The following LRRC4C variants were observed in gnomAD, a reference collection of about 807,000 sequenced individuals.
LRRC4C encodes leucine rich repeat containing 4C, also known as leucine-rich repeat-containing protein 4C.
LRRC4C carries 5 observed loss-of-function variants against 33.6 expected under a neutral mutation model. The ratio of observed to expected loss-of-function variants is 0.15; its 90% CI spans 0.08 to 0.31. The LOEUF is 0.31. LRRC4C is among the 10% of genes least tolerant of loss of function. The pLI is 1.00. For missense variants in LRRC4C, 560 were observed against 796.7 expected (o/e 0.70, Z 3.58); for synonymous variants, 329 against 302.0 (o/e 1.09, Z -0.93).
intron 2 of LRRC4C, among the ~76,000 whole-genome samples, chr11:40,727,624 A>G (rs1001371418): frequency 6.6e-6 from 1 of 152,188 alleles, no homozygotes; most frequent in African/African-American, 2.4e-5. Context: ...GACAGCATAT[A>G]AAATGGGAGG....
At chr11:40,301,971 T>C (rs1206300095) in intron 4 of LRRC4C, among the ~76,000 whole-genome samples, 1 of 152,150 alleles carries the variant, frequency 6.6e-6, no homozygotes, top group African/African-American at 2.4e-5. Flanking sequence ...AAATAATGCC[T>C]TGAAAAATGA....
rs1555125586 is a variant in LRRC4C, at chr11:40,633,371, T to TTCTCTCTCTC, written c.-270+14770_-270+14771insGAGAGAGAGA. Among the ~76,000 whole-genome samples, 29 of 96,322 alleles carry TTCTCTCTCTC rather than the reference T, an allele frequency of 3.0e-4. 3 individuals are homozygous for TTCTCTCTCTC. Among genetic ancestry groups the TTCTCTCTCTC allele is most frequent in the African/African-American group, 7.3e-4 (21 of 28,886 alleles). The allele number at this position is 96,322 out of a possible 152,430, so 63.2% of individuals were successfully genotyped here. ...TTTCTTTCTTTCTTTCTTTCTTTCT[T>TTCTCTCTCTC]TCTCTCTCTTTCTTTCTTTCTTTCT... On this transcript the variant is annotated intron_variant, in intron 3 of 6. Coordinates refer to ENST00000528697, the MANE Select transcript of LRRC4C (RefSeq NM_001258419.2).
chr11:40,468,852 C>T (rs1008969415), intron 3 of LRRC4C, among the ~76,000 whole-genome samples: 1 of 152,058 alleles, frequency 6.6e-6, no homozygotes, highest in African/African-American at 2.4e-5. Context: ...GATAAAGACC[C>T]ATATTTTATT....
chr11:40,285,157 G>T (rs879708652), intron 4 of LRRC4C, among the ~76,000 whole-genome samples: 14 of 152,166 alleles, frequency 9.2e-5, no homozygotes, highest in Middle Eastern at 3.4e-3. Flanking sequence ...GCATACACAG[G>T]TTAGCCAGGA....
At chr11:41,413,470 A>G (rs1472865029) in intron 1 of LRRC4C, among the ~76,000 whole-genome samples, 1 of 152,182 alleles carries the variant, frequency 6.6e-6, no homozygotes, top group Non-Finnish European at 1.5e-5. Flanking sequence ...TAAAATTATC[A>G]TTATTGCAAA....
At chr11:41,279,428 A>ACACCCC (rs58139193) in intron 1 of LRRC4C, among the ~76,000 whole-genome samples, 1,568 of 140,872 alleles carry the variant, frequency 0.011, 24 homozygotes, top group East Asian at 0.022. Flanking sequence ...ACACACACAC[A>ACACCCC]CCGTGGCAAT....
At chr11:41,161,325 C>T (rs563058689) in intron 1 of LRRC4C, among the ~76,000 whole-genome samples, 42 of 152,232 alleles carry the variant, frequency 2.8e-4, no homozygotes, top group African/African-American at 9.9e-4. Flanking sequence ...CACAGAGTCC[C>T]TCCTGCTTAT....
At chr11:41,067,877 AC>A (rs1452308701) in intron 1 of LRRC4C, among the ~76,000 whole-genome samples, 2 of 150,254 alleles carry the variant, frequency 1.3e-5, no homozygotes, top group African/African-American at 2.5e-5. Context: ...GAGACAACGT[AC>A]TAGAATCTCT....
chr11:40,212,255 C>T (rs1207951198), intron 5 of LRRC4C, among the ~76,000 whole-genome samples: 1 of 152,036 alleles, frequency 6.6e-6, no homozygotes, highest in Non-Finnish European at 1.5e-5. Flanking sequence ...ACCACCTGTT[C>T]TAGGTAAGGA....
Position 40,998,639 on chromosome 11 carries a change from A to G in LRRC4C, c.-495-64916T>C, listed in dbSNP as rs1854148156. 3.3e-5 allele frequency among the ~76,000 whole-genome samples: 5 copies of G among 152,234 alleles called. No individual in the cohort carries two copies. The South Asian group carries it at 1.0e-3, about 32-fold the overall frequency. Reference sequence around the variant, plus strand: ...CCTAATTCAACTGCTCCATGAACATACCCAATCACAAACTAGACACGCATT... The same window carrying G: ...CCTAATTCAACTGCTCCATGAACATGCCCAATCACAAACTAGACACGCATT... On this transcript the variant is annotated intron_variant, in intron 1 of 6. Coordinates refer to ENST00000528697, the MANE Select transcript of LRRC4C (RefSeq NM_001258419.2).
intron 3 of LRRC4C, among the ~76,000 whole-genome samples, chr11:40,352,507 T>A (rs899463179): frequency 1.3e-5 from 2 of 152,048 alleles, no homozygotes; most frequent in Non-Finnish European, 2.9e-5. Context: ...ATGTGCACAA[T>A]GTGCAGGTTA....
chr11:41,434,491 C>A (rs1955355998), intron 1 of LRRC4C, among the ~76,000 whole-genome samples: 2 of 152,090 alleles, frequency 1.3e-5, no homozygotes, highest in Admixed American at 6.6e-5. Flanking sequence ...GCGAAATAAT[C>A]TTCACAGGTT....
chr11:40,193,250 A>G (rs1303906083), intron 5 of LRRC4C, among the ~76,000 whole-genome samples: 12 of 152,118 alleles, frequency 7.9e-5, no homozygotes, highest in Non-Finnish European at 1.3e-4. Context: ...AAGCTTCCAG[A>G]GGAGGAAGCA....
At chr11:41,141,763 T>C (rs567712217) in intron 1 of LRRC4C, among the ~76,000 whole-genome samples, 2 of 152,140 alleles carry the variant, frequency 1.3e-5, no homozygotes, top group East Asian at 3.9e-4. Context: ...CCTGAGGAAA[T>C]GTGAGTCAAT....
At chr11:40,423,945 C>T (rs969992961) in intron 3 of LRRC4C, among the ~76,000 whole-genome samples, 8 of 152,008 alleles carry the variant, frequency 5.3e-5, no homozygotes, top group African/African-American at 7.3e-5. Flanking sequence ...ATATGGTATG[C>T]GCCATATCCT....
chr11:40,746,746 AC>A (rs1402836275), intron 2 of LRRC4C, among the ~76,000 whole-genome samples: 3 of 151,736 alleles, frequency 2.0e-5, no homozygotes, highest in African/African-American at 7.3e-5. Context: ...TCCCCTGAGC[AC>A]TCCTCTTGGT....
intron 4 of LRRC4C, among the ~76,000 whole-genome samples, chr11:40,277,122 A>G (rs188089001): frequency 7.2e-5 from 11 of 152,292 alleles, no homozygotes; most frequent in Admixed American, 3.9e-4. Flanking sequence ...TATGCGGTAC[A>G]GCCTTATGCA....
At chr11:40,765,298 C>A (rs1325125613) in intron 2 of LRRC4C, among the ~76,000 whole-genome samples, 1 of 152,100 alleles carries the variant, frequency 6.6e-6, no homozygotes, top group Non-Finnish European at 1.5e-5. Context: ...AATACCTCTC[C>A]CCTCTCTCTT....
chr11:41,226,411 A>C (rs1350857739), intron 1 of LRRC4C, among the ~76,000 whole-genome samples: 1 of 152,150 alleles, frequency 6.6e-6, no homozygotes, highest in Non-Finnish European at 1.5e-5. Flanking sequence ...AAAGATAACC[A>C]AAATAACACA....
Sources: gnomAD v4.1 joint callset for allele counts (sites outside exome capture counted in the v4.1 genomes callset) on GRCh38, gnomAD v4.1.1 for gene constraint, MANE v1.5 for transcripts, NCBI Gene and HGNC (gene_info 2026-07-23, HGNC 2026-07-21) for gene names.